Variants in LYRM2 observed in about 807,000 individuals in gnomAD.
The protein encoded by LYRM2 is LYR motif-containing protein 2.
A neutral mutation model predicts 11.6 loss-of-function variants in LYRM2; 8 were observed. The observed-to-expected ratio is 0.69, with a 90% CI of 0.40 to 1.24. The LOEUF is 1.24. Among genes scored for constraint, LYRM2 ranks in the 50% most tolerant of loss-of-function variants. The pLI, the probability that LYRM2 is intolerant of heterozygous loss-of-function variation, is 0.01. For missense variants in LYRM2, 117 were observed against 102.9 expected (o/e 1.14, Z -0.59); for synonymous variants, 30 against 36.4 (o/e 0.83, Z 0.63).
chr6:89,638,122 G>A (rs943710036), intron 1 of LYRM2: 15 of 603,986 alleles, frequency 2.5e-5, no homozygotes, highest in Admixed American at 3.8e-5. Flanking sequence ...GCTGAGGTAA[G>A]CCTTCATTGC....
Position 89,638,227 on chromosome 6 carries a change from GCT to G in LYRM2, c.46-347_46-346del. The G allele has an allele frequency of 9.7e-6, 10 of 1,028,302 alleles. No homozygotes were observed. The South Asian group carries it at 3.1e-4, about 32-fold the overall frequency. The allele number at this position is 1,028,302 out of a possible 1,614,324, so 63.7% of individuals were successfully genotyped here. A position where few individuals can be genotyped will look rare whatever the true frequency, so the allele number is the denominator to read the frequency against. ...GGTTCATCTGATCTTTTTGCTTACT[GCT>G]CTGTCAAACCTAAGAACCATTAAAA... On this transcript the variant is annotated intron_variant, in intron 1 of 2. Transcript: ENST00000523377.
At position 89,632,605 on chromosome 6, in the gene LYRM2, T is replaced by G. The variant is rs375794284; in HGVS notation, c.*4668A>C. 2 of 152,174 alleles carry G rather than the reference T, an allele frequency of 1.3e-5. No individual in the cohort carries two copies. The allele number at this position is 152,174 out of a possible 1,614,324, so 9.4% of individuals were successfully genotyped here. Reference sequence around the variant, plus strand: ...GCTAATTTTTTGTAGATATAAGGTCTCATGATATTGCCCAGGCTGAATTTG... The same window carrying G: ...GCTAATTTTTTGTAGATATAAGGTCGCATGATATTGCCCAGGCTGAATTTG... On this transcript the variant is annotated 3_prime_UTR_variant, in exon 3 of 3. Transcript: ENST00000523377.
At chr6:89,638,646 T>C (rs760945114) in intron 1 of LYRM2, 26 bp downstream of exon 1, 51 of 1,613,866 alleles carry the variant, frequency 3.2e-5, no homozygotes, top group Non-Finnish European at 4.1e-5. Context: ...GGTAAGCTGC[T>C]TTGGAAGGCA....
At chr6:89,637,577 C>T (rs1437753642) in intron 2 of LYRM2, 165 bp downstream of exon 2, 3 of 663,782 alleles carry the variant, frequency 4.5e-6, no homozygotes, top group Non-Finnish European at 7.2e-6. Flanking sequence ...TTTTAAAATA[C>T]TAAATTTTAA....
At position 89,635,817 on chromosome 6, in the gene LYRM2, T is replaced by C. The variant is rs11754238; in HGVS notation, c.*1456A>G. 0.14 allele frequency: 21,523 copies of C among 152,246 alleles called. 1,778 individuals carry two copies. Among genetic ancestry groups the C allele is most frequent in the South Asian group, 0.18 (865 of 4,828 alleles). The allele number at this position is 152,246 out of a possible 1,614,324, so 9.4% of individuals were successfully genotyped here. The stretch of plus-strand genomic sequence containing the variant: ...ATTCTCTTTGTTTTTTTTCCTGTCA[T>C]TGGAGAACTGCACCCAGAATCTTAT... On this transcript the variant is annotated 3_prime_UTR_variant, in exon 3 of 3. Transcript: ENST00000523377.
rs1807912345 is a variant in LYRM2, at chr6:89,634,308, T to C, written c.*2965A>G. 6.6e-6 allele frequency: 1 copy of C among 151,378 alleles called. No homozygotes were observed. The highest frequency in any genetic ancestry group is 2.4e-5 in the African/African-American group (1 of 41,126). The allele number at this position is 151,378 out of a possible 1,614,324, so 9.4% of individuals were successfully genotyped here. On this transcript the variant is annotated 3_prime_UTR_variant, in exon 3 of 3. Transcript: ENST00000523377. ...ATTTGTAATTTTATTTAAGGAGAAA[T>C]ACTCTTTCCCTTTGATACGACTATA...
chr6:89,638,598 T>A (rs1251458830), intron 1 of LYRM2, 74 bp downstream of exon 1: 29 of 1,603,456 alleles, frequency 1.8e-5, no homozygotes, highest in Non-Finnish European at 2.2e-5. Context: ...CCCGCCCCGT[T>A]GGGGATAGGG....
Position 89,632,822 on chromosome 6 carries a change from G to A in LYRM2, c.*4451C>T, listed in dbSNP as rs1039660755. 7.2e-5 allele frequency: 11 copies of A among 152,204 alleles called. No homozygotes were observed. Among genetic ancestry groups the A allele is most frequent in the African/African-American group, 2.6e-4 (11 of 41,530 alleles). The allele number at this position is 152,204 out of a possible 1,614,324, so 9.4% of individuals were successfully genotyped here. On this transcript the variant is annotated 3_prime_UTR_variant, in exon 3 of 3. Transcript: ENST00000523377. ...GTTTTCTAAATCTATTCTCAAACAGGATATCACTAACCTCTTTAGAATCAT... is the reference window on the plus strand; with the variant it reads ...GTTTTCTAAATCTATTCTCAAACAGAATATCACTAACCTCTTTAGAATCAT...
Position 89,636,976 on chromosome 6 carries a change from C to T in LYRM2, c.*297G>A, listed in dbSNP as rs1360673710. On this transcript the variant is annotated 3_prime_UTR_variant, in exon 3 of 3. Transcript: ENST00000523377. ...GATTACAAGCATGAGCCACTACACC[C>T]GACCTCATAGTAGTTTTGATTTACA... 4 of 227,484 alleles carry T rather than the reference C, an allele frequency of 1.8e-5. No homozygotes were observed. The highest frequency in any genetic ancestry group is 1.1e-4 in the East Asian group (1 of 8,834). 14.1% of individuals were successfully genotyped at this position (227,484 alleles called of 1,614,324 possible).
At position 89,637,352 on chromosome 6, in the gene LYRM2, T is replaced by C. The variant is rs779057024; in HGVS notation, c.188A>G (p.Asp63Gly). 6.3e-7 allele frequency: 1 copy of C among 1,598,336 alleles called. No individual in the cohort carries two copies. The highest frequency in any genetic ancestry group is 8.6e-7 in the Non-Finnish European group (1 of 1,166,382). ...FRRNKSATEE[D>G]TIRMMITQGN... is the part of the protein sequence containing the mutation. ...TTGAGTAATCATCATCCGGATTGTA[T>C]CCTGTAGAATAAAGTGAAATCTGGT... The change falls in exon 3 of 3, where the codon GAT becomes GGT. Residue 63 changes from aspartate to glycine, a missense_variant and splice_region_variant. By Grantham distance (94) the Asp-to-Gly change is moderately conservative (BLOSUM62 -1). Coordinates refer to ENST00000523377, the MANE Select transcript of LYRM2 (RefSeq NM_020466.5).
At chr6:89,638,163 G>T in intron 1 of LYRM2, 1 of 655,090 alleles carries the variant, frequency 1.5e-6, no homozygotes, top group Non-Finnish European at 2.2e-6. Flanking sequence ...CGAGAGTGAG[G>T]CCCTGTCTCA....
chr6:89,635,203 A>G lies in LYRM2; in HGVS notation c.*2070T>C, dbSNP rs1424048224. 2 of 152,250 alleles carry G rather than the reference A, an allele frequency of 1.3e-5. No individual in the cohort carries two copies. Among genetic ancestry groups the G allele is most frequent in the Non-Finnish European group, 2.9e-5 (2 of 68,046 alleles). The allele number at this position is 152,250 out of a possible 1,614,324, so 9.4% of individuals were successfully genotyped here. On this transcript the variant is annotated 3_prime_UTR_variant, in exon 3 of 3. Transcript: ENST00000523377. ...CATTAAATCACTGACTTCTACACCC[A>G]TAAAAGGATGATTTTGAGTTTCAAG... is the stretch of plus-strand genomic sequence containing the variant.
chr6:89,638,213 T>G (rs1808069601), intron 1 of LYRM2: 1 of 932,236 alleles, frequency 1.1e-6, no homozygotes, highest in Non-Finnish European at 1.4e-6. Flanking sequence ...GTTCATCTGA[T>G]CTTTTTGCTT....
At position 89,632,966 on chromosome 6, in the gene LYRM2, C is replaced by G. The variant is rs962406276; in HGVS notation, c.*4307G>C. 45 of 152,180 alleles carry G rather than the reference C, an allele frequency of 3.0e-4. 1 individual carries two copies. Among genetic ancestry groups the G allele is most frequent in the Non-Finnish European group, 4.4e-5 (3 of 68,046 alleles). The allele number at this position is 152,180 out of a possible 1,614,324, so 9.4% of individuals were successfully genotyped here. On this transcript the variant is annotated 3_prime_UTR_variant, in exon 3 of 3. Transcript: ENST00000523377. ...CACTTACCAAAATATCTCCTATTAC[C>G]TCAAGGTATCCTTGTTGAGGAATGC...
intron 1 of LYRM2, chr6:89,638,230 C>T: frequency 9.5e-7 from 1 of 1,051,200 alleles, no homozygotes; most frequent in African/African-American, 1.7e-5. Context: ...GCTTACTGCT[C>T]TGTCAAACCT....
rs1237480838 is a variant in LYRM2 at position 89,633,327 on chromosome 6, ATC to A, written c.*3944_*3945del. ...TTTCATCTTCAGCAAATGTTGTTTC[ATC>A]TGTTTTTGATCCTTGGCATTGTCAA... On this transcript the variant is annotated 3_prime_UTR_variant, in exon 3 of 3. Transcript: ENST00000523377. The A allele has an allele frequency of 6.6e-6, 1 of 152,250 alleles. No individual in the cohort carries two copies. The highest frequency in any genetic ancestry group is 1.5e-5 in the Non-Finnish European group (1 of 68,044). 9.4% of individuals were successfully genotyped at this position (152,250 alleles called of 1,614,324 possible).
intron 1 of LYRM2, 189 bp downstream of exon 1, chr6:89,638,483 A>G (rs572596864): frequency 1.3e-6 from 2 of 1,508,444 alleles, no homozygotes; most frequent in African/African-American, 1.4e-5. Flanking sequence ...GCACCAAACC[A>G]AGGAAGCAGC....
chr6:89,638,250 T>A (rs1584059892), intron 1 of LYRM2: 1 of 1,124,634 alleles, frequency 8.9e-7, no homozygotes, highest in Non-Finnish European at 1.1e-6. Flanking sequence ...TAAGAACCAT[T>A]AAAAAATCAG....
Position 89,637,747 on chromosome 6 carries a change from C to T in LYRM2, c.181G>A (p.Glu61Lys), listed in dbSNP as rs776331259. The stretch of plus-strand genomic sequence containing the variant: ...CACCATGATTTTGTTCTCACCTCTT[C>T]GGTGGCACTTTTGTTTCTTCTGAAT... ...EEFRRNKSAT[E>K]EDTIRMMITQ... is the part of the protein sequence containing the mutation. The change falls in exon 2 of 3, where the codon GAA (glutamate) becomes AAA (lysine). Residue 61 changes from glutamate (E) to lysine (K), a missense_variant. By Grantham distance (56) the Glu-to-Lys change is moderately conservative. Coordinates refer to ENST00000523377, the MANE Select transcript of LYRM2 (RefSeq NM_020466.5). 3.1e-6 allele frequency: 5 copies of T among 1,613,834 alleles called. No homozygotes were observed. Among genetic ancestry groups the T allele is most frequent in the East Asian group, 2.2e-5 (1 of 44,878 alleles).
Sources: gnomAD v4.1 joint callset for allele counts on GRCh38, gnomAD v4.1.1 for gene constraint, MANE v1.5 for transcripts, NCBI Gene and HGNC (gene_info 2026-07-23, HGNC 2026-07-21) for gene names.